SHE: variants seen among roughly 807,000 people sequenced by gnomAD.
SHE encodes SH2 domain-containing adapter protein E.
In SHE, 11 loss-of-function variants were observed where a neutral mutation model predicts 49.8. That is an observed-to-expected ratio of 0.22 (90% CI 0.14 to 0.37). The LOEUF (loss-of-function observed/expected upper bound fraction) is 0.37, where lower values mean the gene tolerates loss of function less well. Among genes scored for constraint, SHE ranks in the 10% least tolerant of loss-of-function variants. SHE has a pLI of 1.00. For missense variants in SHE, 624 were observed against 655.5 expected (o/e 0.95, Z 0.52); for synonymous variants, 310 against 278.1 (o/e 1.11, Z -1.14).
intron 1 of SHE, among the ~76,000 whole-genome samples, chr1:154,472,217 G>C (rs1305193792): frequency 6.6e-6 from 1 of 152,190 alleles, no homozygotes; most frequent in Non-Finnish European, 1.5e-5. Context: ...TTTAAATGAT[G>C]GAGAGAGGTA....
chr1:154,499,369 T>A, intron 1 of SHE, 131 bp from the exon 2 acceptor site: 1 of 1,008,274 alleles, frequency 9.9e-7, no homozygotes, highest in Non-Finnish European at 1.4e-6. Flanking sequence ...TCCAGATAGC[T>A]TTTGCACTTG....
chr1:154,492,095 C>T (rs1441650877), intron 2 of SHE, among the ~76,000 whole-genome samples: 8 of 152,252 alleles, frequency 5.3e-5, no homozygotes, highest in African/African-American at 1.2e-4. Context: ...ATGAGGGAAA[C>T]GTTATTAAAA....
intron 2 of SHE, among the ~76,000 whole-genome samples, chr1:154,489,865 A>G (rs555441429): frequency 1.3e-4 from 20 of 152,364 alleles, no homozygotes; most frequent in African/African-American, 4.3e-4. Context: ...AAACGAACAC[A>G]TTAGCCCACA....
At position 154,489,343 on chromosome 1, in the gene SHE, CCGT is replaced by C; in HGVS notation, c.729_731del (p.Arg244del). 6 of 1,612,726 alleles carry C rather than the reference CCGT, an allele frequency of 3.7e-6. No homozygotes were observed. Among genetic ancestry groups the C allele is most frequent in the Non-Finnish European group, 5.1e-6 (6 of 1,179,380 alleles). ...CCTTCACCAGGGGATCTTTGGAACC[CCGT>C]CGTCTAATTTCTGAAAAACACACAC... On this transcript the variant is annotated inframe_deletion, in exon 3 of 6. Coordinates refer to ENST00000304760, the MANE Select transcript of SHE (RefSeq NM_001010846.3).
At chr1:154,484,597 C>T (rs1383532608) in intron 5 of SHE, 5 of 369,756 alleles carry the variant, frequency 1.4e-5, no homozygotes, top group Non-Finnish European at 2.5e-5. Flanking sequence ...AAAAGAATGC[C>T]AAGTCCCTTC....
rs941848385 is a variant in SHE at position 154,480,009 on chromosome 1, T to C, written c.*4140A>G. 1 of 985,320 alleles carries C rather than the reference T, an allele frequency of 1.0e-6. No individual in the cohort carries two copies. Among genetic ancestry groups the C allele is most frequent in the Non-Finnish European group, 1.2e-6 (1 of 829,934 alleles). 61.0% of individuals were successfully genotyped at this position (985,320 alleles called of 1,614,324 possible). On this transcript the variant is annotated 3_prime_UTR_variant, in exon 6 of 6. Transcript: ENST00000304760. Reference sequence around the variant, plus strand: ...CAACTGCAGTTTTCTCTTTTCCCATTAGATGGCAGTAACGCACCATCTCTC... The same window carrying C: ...CAACTGCAGTTTTCTCTTTTCCCATCAGATGGCAGTAACGCACCATCTCTC...
At chr1:154,493,300 T>G (rs1339720902) in intron 2 of SHE, among the ~76,000 whole-genome samples, 1 of 152,116 alleles carries the variant, frequency 6.6e-6, no homozygotes, top group Non-Finnish European at 1.5e-5. Context: ...AACCTTCCAG[T>G]CCATTCCAAC....
At chr1:154,485,737 CATA>C (rs1189396742) in intron 5 of SHE, 1 of 520,764 alleles carries the variant, frequency 1.9e-6, no homozygotes, top group African/African-American at 1.9e-5. Context: ...CCTTCATTAT[CATA>C]ATAGATAATG....
intron 2 of SHE, among the ~76,000 whole-genome samples, chr1:154,497,461 CAT>C (rs535763297): frequency 2.8e-4 from 42 of 152,338 alleles, no homozygotes; most frequent in African/African-American, 9.4e-4. Flanking sequence ...TAGGTGAAGA[CAT>C]AAAGTTCACA....
exon 2 of SHE, chr1:154,470,002 C>T (rs878930238): frequency 2.1e-5 from 6 of 288,300 alleles, no homozygotes; most frequent in South Asian, 3.1e-5. Flanking sequence ...GATGGGGAGG[C>T]GAGAACTGCA....
chr1:154,491,906 G>A (rs766327150), intron 2 of SHE, among the ~76,000 whole-genome samples: 9 of 152,192 alleles, frequency 5.9e-5, no homozygotes, highest in Non-Finnish European at 1.3e-4. Flanking sequence ...GCTGGAAGGA[G>A]GTGCCAGCAA....
intron 2 of SHE, among the ~76,000 whole-genome samples, chr1:154,492,537 T>G (rs923436852): frequency 3.3e-5 from 5 of 152,224 alleles, no homozygotes; most frequent in African/African-American, 1.2e-4. Context: ...TATCTGGGGT[T>G]GTCTGAGGTC....
At chr1:154,497,014 G>C in intron 2 of SHE, among the ~76,000 whole-genome samples, 1 of 151,936 alleles carries the variant, frequency 6.6e-6, no homozygotes. Context: ...TCAAGGCTCT[G>C]ATGTTTTTTA....
intron 5 of SHE, 58 bp from the exon 6 acceptor site, chr1:154,484,393 G>A: frequency 6.9e-7 from 1 of 1,447,524 alleles, no homozygotes; most frequent in Admixed American, 1.8e-5. Flanking sequence ...CCTCCCCACT[G>A]AAAACAATTG....
intron 1 of SHE, among the ~76,000 whole-genome samples, chr1:154,500,717 G>A (rs989883430): frequency 2.0e-5 from 3 of 152,064 alleles, no homozygotes; most frequent in African/African-American, 7.3e-5. Context: ...TTTCCACATT[G>A]GACAGCACCC....
chr1:154,485,422 C>T (rs1277618170), intron 5 of SHE: 1 of 154,970 alleles, frequency 6.5e-6, no homozygotes, highest in Non-Finnish European at 1.4e-5. Context: ...GATACACACT[C>T]CACCAGGCCT....
chr1:154,494,527 G>GTT (rs199901392), intron 2 of SHE, among the ~76,000 whole-genome samples: 19 of 126,384 alleles, frequency 1.5e-4, no homozygotes, highest in South Asian at 2.6e-4. Flanking sequence ...GGAGTTTATA[G>GTT]TTTTTTTTTT....
In SHE at chr1:154,480,586, G is replaced by A. The variant is rs2149289176; in HGVS notation, c.*3563C>T. ...CCTCCCCATCCTGCGGCAGAGGCTA[G>A]TACACAAATACCAATTCTGCAAAGT... On this transcript the variant is annotated 3_prime_UTR_variant, in exon 6 of 6. Coordinates refer to ENST00000304760, the MANE Select transcript of SHE (RefSeq NM_001010846.3). 2.0e-6 allele frequency: 2 copies of A among 985,472 alleles called. No homozygotes were observed. Among genetic ancestry groups the A allele is most frequent in the Non-Finnish European group, 2.4e-6 (2 of 829,934 alleles). The allele number at this position is 985,472 out of a possible 1,614,324, so 61.0% of individuals were successfully genotyped here.
At chr1:154,494,530 T>G (rs1270230179) in intron 2 of SHE, among the ~76,000 whole-genome samples, 4 of 150,124 alleles carry the variant, frequency 2.7e-5, no homozygotes, top group East Asian at 3.9e-4. Context: ...GTTTATAGTT[T>G]TTTTTTTTTT....
Sources: allele counts gnomAD v4.1 joint callset (sites outside exome capture counted in the v4.1 genomes callset), GRCh38; gene constraint gnomAD v4.1.1; transcripts MANE v1.5; gene names NCBI Gene and HGNC (gene_info 2026-07-23, HGNC 2026-07-21).